The following PCDH15 variants were observed in gnomAD, a reference collection of about 807,000 sequenced individuals.
PCDH15 encodes the protein protocadherin related 15, also known as protocadherin-15.
Under a neutral mutation model 178.5 loss-of-function variants are expected in PCDH15, and 129 were observed. The ratio of observed to expected loss-of-function variants is 0.72; its 90% CI spans 0.63 to 0.84. The LOEUF is 0.84. Among genes scored for constraint, PCDH15 ranks in the 40% least tolerant of loss-of-function variants. The probability of loss-of-function intolerance (pLI) is 0.00; values close to 1 mark genes in which losing one functional copy is unlikely to be tolerated. For synonymous variants in PCDH15, 800 were observed against 732.0 expected, an observed-to-expected ratio of 1.09 and a Z score of -1.50; for missense variants, 2,230 against 2,099.9, an observed-to-expected ratio of 1.06 and a Z score of -1.21.
intron 3 of PCDH15, among the ~76,000 whole-genome samples, chr10:54,522,990 C>G (rs887040521): frequency 1.3e-5 from 2 of 152,190 alleles, no homozygotes; most frequent in African/African-American, 4.8e-5. Context: ...ACACCCAGGT[C>G]TGACAACTCA....
At chr10:55,472,222 A>G (rs1486803069) in intron 2 of PCDH15, among the ~76,000 whole-genome samples, 6 of 152,266 alleles carry the variant, frequency 3.9e-5, no homozygotes, top group Non-Finnish European at 8.8e-5. Context: ...AAGGAACCTC[A>G]TCTAAGGCAT....
chr10:54,726,824 T>A (rs67868238), intron 1 of PCDH15, among the ~76,000 whole-genome samples: 17,987 of 150,428 alleles, frequency 0.12, 1,199 homozygotes, highest in African/African-American at 0.17. Flanking sequence ...AGACTGGTTC[T>A]TCAGGTCAAC....
At chr10:54,376,403 A>G (rs1948437822) in intron 4 of PCDH15, among the ~76,000 whole-genome samples, 1 of 150,818 alleles carries the variant, frequency 6.6e-6, no homozygotes, top group South Asian at 2.1e-4. Context: ...TACATTAAAT[A>G]AAATTTAAAA....
At chr10:54,467,782 G>A (rs2136615834) in intron 3 of PCDH15, among the ~76,000 whole-genome samples, 1 of 151,772 alleles carries the variant, frequency 6.6e-6, no homozygotes, top group African/African-American at 2.4e-5. Flanking sequence ...ATTTGTCAGT[G>A]AAGCAATCCA....
At chr10:54,326,183 G>T (rs137949751) in intron 7 of PCDH15, among the ~76,000 whole-genome samples, 38 of 152,130 alleles carry the variant, frequency 2.5e-4, no homozygotes, top group African/African-American at 8.9e-4. Context: ...ACCCACAATT[G>T]GCCCTCAAGC....
chr10:53,972,395 A>G (rs993407555), intron 21 of PCDH15, among the ~76,000 whole-genome samples: 2 of 152,210 alleles, frequency 1.3e-5, no homozygotes, highest in African/African-American at 4.8e-5. Flanking sequence ...CTTCATGACT[A>G]AAACACCAAA....
At chr10:53,825,828 C>T (rs888995048) in intron 32 of PCDH15, among the ~76,000 whole-genome samples, 2 of 151,080 alleles carry the variant, frequency 1.3e-5, no homozygotes, top group African/African-American at 4.9e-5. Flanking sequence ...CTTACTTAAA[C>T]TATTTCAATG....
chr10:54,331,763 A>G (rs932683306), intron 6 of PCDH15, among the ~76,000 whole-genome samples: 4 of 151,978 alleles, frequency 2.6e-5, no homozygotes, highest in African/African-American at 9.7e-5. Context: ...ACATCTCTGG[A>G]CTCAGAACCC....
intron 15 of PCDH15, among the ~76,000 whole-genome samples, chr10:54,130,377 G>A (rs2042332005): frequency 2.0e-5 from 3 of 152,124 alleles, no homozygotes. Context: ...TCACGATTTC[G>A]GCGCGGTCTG....
chr10:54,364,219 A>G (rs941243250), intron 5 of PCDH15, among the ~76,000 whole-genome samples: 1 of 152,118 alleles, frequency 6.6e-6, no homozygotes, highest in Admixed American at 6.6e-5. Flanking sequence ...GAAAAAAAAA[A>G]AAAAAATTGA....
intron 2 of PCDH15, among the ~76,000 whole-genome samples, chr10:54,542,753 G>T (rs2085388194): frequency 6.6e-6 from 1 of 151,918 alleles, no homozygotes; most frequent in Non-Finnish European, 1.5e-5. Context: ...ACATGGAAGG[G>T]GGAAAGGGAA....
chr10:54,668,723 T>A (rs1214549471), intron 1 of PCDH15, among the ~76,000 whole-genome samples: 1 of 152,164 alleles, frequency 6.6e-6, no homozygotes, highest in Non-Finnish European at 1.5e-5. Context: ...ATGTTAACTA[T>A]TTTTTAGCCT....
chr10:53,945,384 C>G (rs2086453515), intron 23 of PCDH15, among the ~76,000 whole-genome samples: 1 of 152,246 alleles, frequency 6.6e-6, no homozygotes, highest in Admixed American at 6.5e-5. Context: ...CTAAATTAAA[C>G]TACCATTTGA....
chr10:53,958,079 C>T (rs1242719992), intron 23 of PCDH15, among the ~76,000 whole-genome samples: 3 of 152,120 alleles, frequency 2.0e-5, no homozygotes, highest in Non-Finnish European at 4.4e-5. Flanking sequence ...TATCCCTCAC[C>T]TACCTTATTC....
chr10:55,211,220 G>C (rs1281468748), intron 1 of PCDH15, among the ~76,000 whole-genome samples: 1 of 151,980 alleles, frequency 6.6e-6, no homozygotes, highest in Non-Finnish European at 1.5e-5. Context: ...TAAATAACTG[G>C]ATAACATGGA....
At chr10:54,360,829 A>G (rs1016666418) in intron 5 of PCDH15, among the ~76,000 whole-genome samples, 6 of 152,084 alleles carry the variant, frequency 3.9e-5, no homozygotes, top group Admixed American at 2.6e-4. Flanking sequence ...TGAATAGAAT[A>G]AAAATCAGAA....
At chr10:53,884,334 G>T (rs186884275) in intron 26 of PCDH15, among the ~76,000 whole-genome samples, 1 of 152,004 alleles carries the variant, frequency 6.6e-6, no homozygotes, top group Non-Finnish European at 1.5e-5. Flanking sequence ...TAACAAAGAG[G>T]GTATCATAAA....
At chr10:55,095,096 T>C (rs1354961147) in intron 2 of PCDH15, among the ~76,000 whole-genome samples, 1 of 151,798 alleles carries the variant, frequency 6.6e-6, no homozygotes, top group Non-Finnish European at 1.5e-5. Flanking sequence ...AATTTTGTTG[T>C]TGTTGTTACT....
chr10:54,202,894 T>C (rs2133994606), intron 10 of PCDH15, among the ~76,000 whole-genome samples: 1 of 151,658 alleles, frequency 6.6e-6, no homozygotes, highest in East Asian at 1.9e-4. Flanking sequence ...AGGCAAGGAA[T>C]CTCCATTTTT....
Sources: gnomAD v4.1 joint callset for allele counts (sites outside exome capture counted in the v4.1 genomes callset) on GRCh38, gnomAD v4.1.1 for gene constraint, MANE v1.5 for transcripts, NCBI Gene and HGNC (gene_info 2026-07-23, HGNC 2026-07-21) for gene names.